LILRA5: variants seen among roughly 807,000 people sequenced by gnomAD.
The protein encoded by LILRA5 is leukocyte immunoglobulin like receptor A5, also known as leukocyte immunoglobulin-like receptor subfamily A member 5.
Under a neutral mutation model 36.3 loss-of-function variants are expected in LILRA5, and 31 were observed. That is an observed-to-expected ratio of 0.85 (90% CI 0.64 to 1.15). The LOEUF (loss-of-function observed/expected upper bound fraction) is 1.15, where lower values mean the gene tolerates loss of function less well. LILRA5 is among the 50% of genes most tolerant of loss of function. The pLI is 0.00. For missense variants in LILRA5, 348 were observed against 377.4 expected, an observed-to-expected ratio of 0.92 and a Z score of 0.64; for synonymous variants, 144 against 144.8, an observed-to-expected ratio of 0.99 and a Z score of 0.04.
In LILRA5 at chr19:54,313,144, C is replaced by A; in HGVS notation, c.-125G>T. ...GTAGCCCAGGCTGAGCTGCATGTGG[C>A]AATGAGCACAGAGGAGAAATGCAGG... On this transcript the variant is annotated 5_prime_UTR_variant, in exon 1 of 7. Coordinates refer to ENST00000432233, the MANE Select transcript of LILRA5 (RefSeq NM_021250.4). 2.0e-6 allele frequency: 2 copies of A among 989,652 alleles called. No homozygotes were observed. Among genetic ancestry groups the A allele is most frequent in the Non-Finnish European group, 3.2e-6 (2 of 631,600 alleles). The allele number at this position is 989,652 out of a possible 1,614,324, so 61.3% of individuals were successfully genotyped here.
rs200805419 is a variant in LILRA5, at chr19:54,311,620, T to A, written c.506A>T (p.Asp169Val). 1.1e-4 allele frequency: 171 copies of A among 1,613,970 alleles called. No individual in the cohort carries two copies. Among genetic ancestry groups the A allele is most frequent in the Non-Finnish European group, 1.4e-4 (171 of 1,180,014 alleles). ...TLQCGSRLRF[D>V]RFILTEEGDH... ...TCCTTCCTCAGTCAGAATGAACCTG[T>A]CGAATCTCAGCCGTGAGCCACACTG... The change falls in exon 5 of 7, where the codon GAC becomes GTC. Residue 169 changes from aspartate (D) to valine (V), a missense_variant. Coordinates refer to ENST00000432233, the MANE Select transcript of LILRA5 (RefSeq NM_021250.4).
At position 54,312,523 on chromosome 19, in the gene LILRA5, G is replaced by T. The variant is rs770278590; in HGVS notation, c.88+14C>A. ...CAGACTAGGGTGCCCCTTCCCTGAG[G>T]CTTCCAATCTCACCGAGGCAGAGCA... On this transcript the variant is annotated intron_variant, in intron 2 of 6. Transcript: ENST00000432233. The T allele has an allele frequency of 3.1e-6, 5 of 1,614,170 alleles. No homozygotes were observed. In the Admixed American group the frequency reaches 6.7e-5, roughly 22 times the overall value.
chr19:54,307,433 G>C lies in LILRA5; in HGVS notation c.880C>G (p.Gln294Glu). Residue 294 changes from glutamine (Q) to glutamate (E), a missense_variant, in exon 7 of 7, where the codon CAA becomes GAA. Gln to Glu is a conservative substitution (Grantham distance 29). Transcript: ENST00000432233. The part of the protein sequence containing the change: ...FQDWHSQRSP[Q>E]AAAGR ...TCTGTTCACCTTCCAGCTGCAGCTT[G>C]GGGGCTTCTCTGGCTGTGCCAATCC... 1 of 1,612,770 alleles carries C rather than the reference G, an allele frequency of 6.2e-7. No homozygotes were observed.
chr19:54,312,233 C>T (rs2081037576), intron 3 of LILRA5, 85 bp from the exon 4 acceptor site: 2 of 1,612,110 alleles, frequency 1.2e-6, no homozygotes, highest in Non-Finnish European at 1.7e-6. Flanking sequence ...CAGACGTCCC[C>T]ATCAATCACC....
Position 54,307,730 on chromosome 19 carries a change from C to T in LILRA5, c.731G>A (p.Ser244Asn), listed in dbSNP as rs952129229. 2.5e-6 allele frequency: 4 copies of T among 1,614,038 alleles called. No homozygotes were observed. The highest frequency in any genetic ancestry group is 2.7e-5 in the African/African-American group (2 of 74,920). The change falls in exon 6 of 7, where the codon AGT (serine) becomes AAT (asparagine). Residue 244 changes from serine to asparagine, a missense_variant. Ser to Asn is a conservative substitution (Grantham distance 46). Transcript: ENST00000432233. ...IPVSGAADNL[S>N]PSQNKSDSGT... ...AGAGTCAGACTTGTTTTGTGACGGA[C>T]TGAGGTTATCAGCTGCTCCTGAAAA...
rs777297511 is a variant in LILRA5 at position 54,311,908 on chromosome 19, G to T, written c.365C>A (p.Ala122Glu). The change falls in exon 4 of 7, where the codon GCA (alanine) becomes GAA (glutamate). Residue 122 changes from alanine (A) to glutamate (E), a missense_variant. Ala to Glu is a moderately radical substitution (Grantham distance 107). Coordinates refer to ENST00000432233, the MANE Select transcript of LILRA5 (RefSeq NM_021250.4). ...GGGGTCGCTGGGCTCTGACCAGCCT[G>T]CAGGGCTGTAGTAGTAACAGCGGTA... ...GRYRCYYYSPAGWSEPSDPLE... is the reference protein window; with the variant it reads ...GRYRCYYYSPEGWSEPSDPLE... 1.9e-6 allele frequency: 3 copies of T among 1,614,164 alleles called. No individual in the cohort carries two copies. The highest frequency in any genetic ancestry group is 2.5e-6 in the Non-Finnish European group (3 of 1,180,020).
chr19:54,310,609 T>C, intron 5 of LILRA5: 1 of 190,160 alleles, frequency 5.3e-6, no homozygotes, highest in Non-Finnish European at 1.1e-5. Context: ...GCTGCTTTTC[T>C]AGGTCTAGGA....
At chr19:54,311,211 C>T in intron 5 of LILRA5, 4 of 1,413,546 alleles carry the variant, frequency 2.8e-6, no homozygotes, top group Non-Finnish European at 3.7e-6. Context: ...CTGCCTCGGC[C>T]TCCCAAAGTG....
intron 5 of LILRA5, chr19:54,310,976 G>A: frequency 5.5e-6 from 1 of 180,738 alleles, no homozygotes; most frequent in South Asian, 8.6e-5. Context: ...TTTTTTTTGA[G>A]ACAGAGTCTC....
rs10573769 is a variant in LILRA5 at position 54,307,242 on chromosome 19, CAA to C, written c.*169_*170del. On this transcript the variant is annotated 3_prime_UTR_variant, in exon 7 of 7. Transcript: ENST00000432233. ...CTGGTGACAGAGCAAGACTCCATCT[CAA>C]AAAAAAAAAAAAAAAAAAAAAAGAA... is the stretch of plus-strand genomic sequence containing the variant. 19,984 of 113,522 alleles carry C rather than the reference CAA, an allele frequency of 0.18. 165 individuals carry two copies. The highest frequency in any genetic ancestry group is 0.26 in the Middle Eastern group (74 of 286). 7.0% of individuals were successfully genotyped at this position (113,522 alleles called of 1,614,324 possible).
intron 1 of LILRA5, 46 bp from the exon 2 acceptor site, chr19:54,312,667 G>T: frequency 1.3e-6 from 2 of 1,566,728 alleles, no homozygotes; most frequent in Non-Finnish European, 1.8e-6. Flanking sequence ...TCGGAGGCTG[G>T]GTCCTTCTTG....
At position 54,311,517 on chromosome 19, in the gene LILRA5, A is replaced by G; in HGVS notation, c.609T>C (p.Pro203=). Residue 203 remains proline, a synonymous_variant, in exon 5 of 7, where the codon CCT becomes CCC. Coordinates refer to ENST00000432233, the MANE Select transcript of LILRA5 (RefSeq NM_021250.4). ...GQFQALFPVG[P]VTPSHRWMLR... ...GCATCCACCTGTGGCTGGGGGTCAC[A>G]GGGCCCACAGGGAACAGGGCCTGGA... The G allele has an allele frequency of 6.2e-7, 1 of 1,614,178 alleles. No individual in the cohort carries two copies. Among genetic ancestry groups the G allele is most frequent in the Non-Finnish European group, 8.5e-7 (1 of 1,180,022 alleles).
intron 5 of LILRA5, chr19:54,308,397 ATATATATATATG>A (rs2080940698): frequency 1.0e-5 from 1 of 100,388 alleles, no homozygotes; most frequent in East Asian, 3.2e-4. Flanking sequence ...ATATATATAT[ATATATATATATG>A]GTGTTACAGA....
In LILRA5 at chr19:54,311,912, G is replaced by T; in HGVS notation, c.361C>A (p.Pro121Thr). 1.2e-6 allele frequency: 2 copies of T among 1,614,122 alleles called. No individual in the cohort carries two copies. The highest frequency in any genetic ancestry group is 1.7e-6 in the Non-Finnish European group (2 of 1,180,012). Residue 121 changes from proline to threonine, a missense_variant, in exon 4 of 7, where the codon CCT becomes ACT. Transcript: ENST00000432233. The stretch of plus-strand genomic sequence containing the variant: ...TCGCTGGGCTCTGACCAGCCTGCAG[G>T]GCTGTAGTAGTAACAGCGGTATCTC... The part of the protein sequence containing the change: ...AGRYRCYYYS[P>T]AGWSEPSDPL...
rs556278519 is a variant in LILRA5, at chr19:54,311,717, C to G, written c.410-1G>C. On this transcript the variant is annotated splice_acceptor_variant, in intron 4 of 6. Transcript: ENST00000432233. LOFTEE classifies it high-confidence loss of function. ...GAGAGGGTGGGTTTGTTGTAGAATC[C>G]TAGGAGAGAAGGAGGCACCGTGTTA... The G allele has an allele frequency of 3.7e-6, 6 of 1,611,634 alleles. No individual in the cohort carries two copies. The East Asian group carries it at 1.3e-4, about 36-fold the overall frequency.
chr19:54,307,917 T>C (rs750687319), intron 5 of LILRA5, 169 bp from the exon 6 acceptor site: 11 of 609,470 alleles, frequency 1.8e-5, no homozygotes, highest in Non-Finnish European at 2.6e-5. Flanking sequence ...TCCAGTCTCC[T>C]CACTGAATTA....
rs147197734 is a variant in LILRA5 at position 54,311,616 on chromosome 19, C to T, written c.510G>A (p.Arg170=). The T allele has an allele frequency of 6.2e-7, 1 of 1,614,050 alleles. No individual in the cohort carries two copies. Among genetic ancestry groups the T allele is most frequent in the African/African-American group, 1.3e-5 (1 of 74,910 alleles). The stretch of plus-strand genomic sequence containing the variant: ...GGTCTCCTTCCTCAGTCAGAATGAA[C>T]CTGTCGAATCTCAGCCGTGAGCCAC... ...LQCGSRLRFD[R]FILTEEGDHK... Residue 170 remains arginine (R), a synonymous_variant, in exon 5 of 7, where the codon AGG becomes AGA. Coordinates refer to ENST00000432233, the MANE Select transcript of LILRA5 (RefSeq NM_021250.4).
In LILRA5 at chr19:54,309,437, G is replaced by A. The variant is rs542662662; in HGVS notation, c.713-1689C>T. ...CCGAGATCGCGCCACTGCACTCCAG[G>A]CTGGGCGACAGAGCAAGACTCCATC... On this transcript the variant is annotated intron_variant, in intron 5 of 6. Coordinates refer to ENST00000432233, the MANE Select transcript of LILRA5 (RefSeq NM_021250.4). 3 of 152,186 alleles carry A rather than the reference G, an allele frequency of 2.0e-5. No individual in the cohort carries two copies. In the East Asian group the frequency reaches 5.8e-4, roughly 29 times the overall value. The allele number at this position is 152,186 out of a possible 1,614,324, so 9.4% of individuals were successfully genotyped here.
chr19:54,310,717 G>T, intron 5 of LILRA5: 1 of 330,936 alleles, frequency 3.0e-6, no homozygotes. Context: ...AGCCCAGCCT[G>T]GGGCTGCCGG....
Sources: gnomAD v4.1 joint callset for allele counts on GRCh38, gnomAD v4.1.1 for gene constraint, MANE v1.5 for transcripts, NCBI Gene and HGNC (gene_info 2026-07-23, HGNC 2026-07-21) for gene names.